Variants in KLF12 observed in about 807,000 individuals in gnomAD.
The protein encoded by KLF12 is Krueppel-like factor 12.
KLF12 carries 9 observed loss-of-function variants against 37.8 expected under a neutral mutation model. The ratio of observed to expected loss-of-function variants is 0.24; its 90% CI spans 0.14 to 0.42. The LOEUF (loss-of-function observed/expected upper bound fraction) is 0.42, where lower values mean the gene tolerates loss of function less well. Ranked by LOEUF, KLF12 falls within the 10% of genes least tolerant of loss-of-function variation. The pLI is 1.00. For synonymous variants in KLF12, 208 were observed against 202.1 expected (o/e 1.03, Z -0.25); for missense variants, 411 against 516.0 (o/e 0.80, Z 1.97).
chr13:73,922,599 A>G (rs1889168829), intron 3 of KLF12, among the ~76,000 whole-genome samples: 1 of 152,142 alleles, frequency 6.6e-6, no homozygotes, highest in African/African-American at 2.4e-5. Context: ...TCCTCTGATC[A>G]TCCATGTCAG....
At position 74,059,443 on chromosome 13, in the gene KLF12, G is replaced by A. The variant is rs190420368; in HGVS notation, c.-31-64390C>T. 1.3e-3 allele frequency among the ~76,000 whole-genome samples: 197 copies of A among 152,272 alleles called. 1 individual carries two copies. The highest frequency in any genetic ancestry group is 4.3e-3 in the African/African-American group (179 of 41,554). On this transcript the variant is annotated intron_variant, in intron 1 of 7. Coordinates refer to ENST00000377669, the MANE Select transcript of KLF12 (RefSeq NM_007249.5). ...TTTTTCTGCATCCACACCAACAACT[G>A]TTGTTTCTTGACTTTTTAATAATTG...
chr13:74,159,741 G>A, the KLF12 span, among the ~76,000 whole-genome samples: 17 of 151,702 alleles, frequency 1.1e-4, no homozygotes, highest in African/African-American at 2.4e-4. Context: ...TTTTTCAGCC[G>A]GGCATGGTTG....
intron 2 of KLF12, among the ~76,000 whole-genome samples, chr13:73,954,062 T>C (rs1282616869): frequency 7.1e-6 from 1 of 141,134 alleles, no homozygotes; most frequent in Non-Finnish European, 1.5e-5. Flanking sequence ...CACTGCAAGC[T>C]CCACCTCCCG....
At chr13:73,854,980 ATC>A (rs1221826668) in intron 3 of KLF12, among the ~76,000 whole-genome samples, 3 of 152,190 alleles carry the variant, frequency 2.0e-5, no homozygotes, top group South Asian at 2.1e-4. Flanking sequence ...GTGGAGAGAA[ATC>A]TCTCTTTTCC....
chr13:74,085,990 G>T (rs1332237400), intron 1 of KLF12, among the ~76,000 whole-genome samples: 1 of 150,728 alleles, frequency 6.6e-6, no homozygotes, highest in Non-Finnish European at 1.5e-5. Flanking sequence ...TTATATTTTT[G>T]ATATATATTA....
chr13:74,040,909 C>A (rs1893383974), intron 1 of KLF12, among the ~76,000 whole-genome samples: 1 of 152,208 alleles, frequency 6.6e-6, no homozygotes, highest in Admixed American at 6.5e-5. Flanking sequence ...CCTCCTTCAC[C>A]CAGACCTTTC....
chr13:73,897,412 G>A (rs1474624920), intron 3 of KLF12, among the ~76,000 whole-genome samples: 1 of 152,024 alleles, frequency 6.6e-6, no homozygotes, highest in East Asian at 1.9e-4. Flanking sequence ...CGACCCTTGG[G>A]CCCTTTGGAT....
At chr13:73,915,046 C>T (rs866117234) in intron 3 of KLF12, among the ~76,000 whole-genome samples, 6 of 152,172 alleles carry the variant, frequency 3.9e-5, no homozygotes, top group Non-Finnish European at 8.8e-5. Flanking sequence ...ATCTGCAGGG[C>T]TGGCTCTCTC....
intron 6 of KLF12, among the ~76,000 whole-genome samples, chr13:73,740,581 T>A (rs909734300): frequency 2.6e-5 from 4 of 152,152 alleles, no homozygotes; most frequent in Non-Finnish European, 5.9e-5. Flanking sequence ...CCTCAAATGA[T>A]CCTTCCATCT....
chr13:73,843,559 G>A (rs761997481), intron 4 of KLF12, among the ~76,000 whole-genome samples: 1 of 151,860 alleles, frequency 6.6e-6, no homozygotes, highest in Non-Finnish European at 1.5e-5. Flanking sequence ...TGCCCACATC[G>A]GCCTCCCAAA....
chr13:73,810,577 C>T (rs1054797579), intron 5 of KLF12, among the ~76,000 whole-genome samples: 22 of 151,686 alleles, frequency 1.5e-4, no homozygotes, highest in Admixed American at 6.6e-4. Context: ...TGTAAGCATA[C>T]TTTAGATTTT....
rs1887016056 is a variant in KLF12 at position 73,882,250 on chromosome 13, T to C, written c.124-35877A>G. ...TCCTGAAGTTTAAAAACTCCTCTTC[T>C]GTAACATTTGAAGAAGATACTCTTT... On this transcript the variant is annotated intron_variant, in intron 3 of 7. Coordinates refer to ENST00000377669, the MANE Select transcript of KLF12 (RefSeq NM_007249.5). 5.3e-5 allele frequency among the ~76,000 whole-genome samples: 8 copies of C among 152,324 alleles called. No homozygotes were observed. In the South Asian group the frequency reaches 1.7e-3, roughly 32 times the overall value.
intron 2 of KLF12, among the ~76,000 whole-genome samples, chr13:73,968,832 G>A (rs143678575): frequency 2.0e-5 from 3 of 152,108 alleles, no homozygotes; most frequent in Non-Finnish European, 4.4e-5. Flanking sequence ...CCCTCGACAC[G>A]TTGATCCCTG....
chr13:73,904,950 T>C (rs142660117), intron 3 of KLF12, among the ~76,000 whole-genome samples: 2 of 113,620 alleles, frequency 1.8e-5, no homozygotes, highest in Non-Finnish European at 3.9e-5. Context: ...CAGCAACTTA[T>C]CCTAAGCAAA....
intron 5 of KLF12, among the ~76,000 whole-genome samples, chr13:73,782,867 A>G (rs527870572): frequency 6.6e-6 from 1 of 152,332 alleles, no homozygotes; most frequent in African/African-American, 2.4e-5. Context: ...GCTGTGTCCT[A>G]ATTGTGGCTT....
At chr13:73,749,432 A>T (rs1878592131) in intron 6 of KLF12, among the ~76,000 whole-genome samples, 1 of 152,196 alleles carries the variant, frequency 6.6e-6, no homozygotes, top group South Asian at 2.1e-4. Context: ...CAAATTCATT[A>T]ACATACACAA....
chr13:74,289,906 A>G, the KLF12 span, among the ~76,000 whole-genome samples: 1 of 152,168 alleles, frequency 6.6e-6, no homozygotes, highest in South Asian at 2.1e-4. Context: ...ATAAGTTAAA[A>G]CAAAATCCTA....
chr13:74,303,724 C>T, the KLF12 span, among the ~76,000 whole-genome samples: 22 of 152,188 alleles, frequency 1.4e-4, no homozygotes, highest in Admixed American at 7.9e-4. Context: ...ACTTTGTCAA[C>T]GCACAAATCC....
At chr13:74,031,944 T>A (rs777189498) in intron 1 of KLF12, among the ~76,000 whole-genome samples, 7 of 152,132 alleles carry the variant, frequency 4.6e-5, no homozygotes, top group Non-Finnish European at 1.0e-4. Flanking sequence ...ATAGGAATAA[T>A]CTCATTTGGG....
Sources: gnomAD v4.1 joint callset for allele counts (sites outside exome capture counted in the v4.1 genomes callset) on GRCh38, gnomAD v4.1.1 for gene constraint, MANE v1.5 for transcripts, NCBI Gene and HGNC (gene_info 2026-07-23, HGNC 2026-07-21) for gene names.